ARHGAP29: variants seen among roughly 807,000 people sequenced by gnomAD.
The protein encoded by ARHGAP29 is Rho GTPase activating protein 29, also known as rho GTPase-activating protein 29.
A neutral mutation model predicts 122.6 loss-of-function variants in ARHGAP29; 43 were observed. The observed-to-expected ratio is 0.35, with a 90% CI of 0.27 to 0.45. The LOEUF (loss-of-function observed/expected upper bound fraction) is 0.45. Among genes scored for constraint, ARHGAP29 ranks in the 20% least tolerant of loss-of-function variants. The probability of loss-of-function intolerance (pLI) is 1.00; values close to 1 mark genes in which losing one functional copy is unlikely to be tolerated. For synonymous variants in ARHGAP29, 506 were observed against 497.1 expected, an observed-to-expected ratio of 1.02 and a Z score of -0.24; for missense variants, 1,303 against 1,477.2, an observed-to-expected ratio of 0.88 and a Z score of 1.93.
At chr1:94,292,874 C>A in the ARHGAP29 span, among the ~76,000 whole-genome samples, 1 of 152,172 alleles carries the variant, frequency 6.6e-6, no homozygotes, top group Non-Finnish European at 1.5e-5. Flanking sequence ...GTCTGTTGGT[C>A]CCTACTGGGA....
the ARHGAP29 span, among the ~76,000 whole-genome samples, chr1:94,286,504 C>T: frequency 6.6e-6 from 1 of 151,934 alleles, no homozygotes; most frequent in Non-Finnish European, 1.5e-5. Context: ...CCTATCTCTA[C>T]AAAAAATACA....
intron 3 of ARHGAP29, among the ~76,000 whole-genome samples, chr1:94,219,611 C>A (rs1023031214): frequency 6.6e-6 from 1 of 152,152 alleles, no homozygotes; most frequent in Non-Finnish European, 1.5e-5. Flanking sequence ...TCTCCTATTT[C>A]CCTGCCTCCT....
At chr1:94,245,733 G>A (rs1325884068) in intron 1 of ARHGAP29, among the ~76,000 whole-genome samples, 1 of 152,144 alleles carries the variant, frequency 6.6e-6, no homozygotes, top group Non-Finnish European at 1.5e-5. Context: ...AGATGCAAAG[G>A]TTCTACAGGA....
At chr1:94,292,289 G>A in the ARHGAP29 span, among the ~76,000 whole-genome samples, 1 of 152,154 alleles carries the variant, frequency 6.6e-6, no homozygotes, top group East Asian at 1.9e-4. Flanking sequence ...TCGTACTGTG[G>A]TTTTCAGCTC....
At chr1:94,206,371 T>C (rs1292167491) in intron 5 of ARHGAP29, among the ~76,000 whole-genome samples, 1 of 152,178 alleles carries the variant, frequency 6.6e-6, no homozygotes, top group African/African-American at 2.4e-5. Context: ...TCGATTTAAA[T>C]TGGGCAATAC....
At chr1:94,221,085 G>T (rs1652265033) in intron 2 of ARHGAP29, among the ~76,000 whole-genome samples, 1 of 151,970 alleles carries the variant, frequency 6.6e-6, no homozygotes, top group African/African-American at 2.4e-5. Context: ...CATCATCCTA[G>T]GTCAGAGCGA....
intron 22 of ARHGAP29, 21 bp downstream of exon 22, chr1:94,177,591 T>A (rs764030077): frequency 6.4e-7 from 1 of 1,569,452 alleles, no homozygotes; most frequent in African/African-American, 1.4e-5. Context: ...AAACATATTT[T>A]TTTTTTACAT....
intron 3 of ARHGAP29, among the ~76,000 whole-genome samples, chr1:94,211,396 TCA>T (rs1214497055): frequency 2.7e-5 from 4 of 150,408 alleles, no homozygotes; most frequent in Non-Finnish European, 5.9e-5. Flanking sequence ...ACACATAAAT[TCA>T]CAGTTGTAAC....
At chr1:94,283,699 T>C in the ARHGAP29 span, among the ~76,000 whole-genome samples, 10 of 152,172 alleles carry the variant, frequency 6.6e-5, no homozygotes, top group Non-Finnish European at 1.0e-4. Flanking sequence ...GTATGTTAAG[T>C]CATACCATCA....
At position 94,173,963 on chromosome 1, in the gene ARHGAP29, C is replaced by T; in HGVS notation, c.3692G>A (p.Gly1231Asp). The stretch of plus-strand genomic sequence containing the variant: ...ACACATTGGATTCACATCAGGCAAG[C>T]CAAGCTCCTCAGAGTCTTCTTTAGG... Reference protein sequence around the residue: ...GQPKEDSEELGLPDVNPMCQR... With the variant: ...GQPKEDSEELDLPDVNPMCQR... The change falls in exon 23 of 23, where the codon GGC becomes GAC. Residue 1231 changes from glycine (G) to aspartate (D), a missense_variant. This residue lies in a region of ARHGAP29 where 620 missense variants were observed against 651.2 expected (regional missense o/e 0.95). Coordinates refer to ENST00000260526, the MANE Select transcript of ARHGAP29 (RefSeq NM_004815.4). The T allele has an allele frequency of 6.2e-7, 1 of 1,614,180 alleles. No homozygotes were observed. The highest frequency in any genetic ancestry group is 2.2e-5 in the East Asian group (1 of 44,880).
chr1:94,183,477 A>T (rs1003996756), intron 19 of ARHGAP29, among the ~76,000 whole-genome samples: 1 of 151,752 alleles, frequency 6.6e-6, no homozygotes, highest in Non-Finnish European at 1.5e-5. Context: ...CCTGCAAACT[A>T]CAGGTTTAAC....
chr1:94,252,330 C>T (rs1654128942), intron 1 of ARHGAP29, among the ~76,000 whole-genome samples: 1 of 152,156 alleles, frequency 6.6e-6, no homozygotes, highest in Non-Finnish European at 1.5e-5. Context: ...GCCTTAGTAA[C>T]TTAAGGAAGA....
rs1648752815 is a variant in ARHGAP29 at position 94,171,795 on chromosome 1, A to G, written c.*2074T>C. The G allele has an allele frequency of 6.6e-6, 1 of 152,184 alleles. No individual in the cohort carries two copies. The highest frequency in any genetic ancestry group is 1.5e-5 in the Non-Finnish European group (1 of 68,030). The allele number at this position is 152,184 out of a possible 1,614,324, so 9.4% of individuals were successfully genotyped here. Reference sequence around the variant, plus strand: ...AACAGAGAAATGAGTTTATTACATGATATAACCTTTGGGTGGGCTCCATAT... The same window carrying G: ...AACAGAGAAATGAGTTTATTACATGGTATAACCTTTGGGTGGGCTCCATAT... On this transcript the variant is annotated 3_prime_UTR_variant, in exon 23 of 23. Coordinates refer to ENST00000260526, the MANE Select transcript of ARHGAP29 (RefSeq NM_004815.4).
At chr1:94,206,235 G>A (rs1053317138) in intron 5 of ARHGAP29, among the ~76,000 whole-genome samples, 3 of 152,210 alleles carry the variant, frequency 2.0e-5, no homozygotes, top group African/African-American at 7.2e-5. Context: ...GGAGGTGGAA[G>A]TGAATTTTTA....
intron 12 of ARHGAP29, chr1:94,196,067 A>T (rs1451761034): frequency 6.6e-6 from 1 of 152,146 alleles, no homozygotes; most frequent in Non-Finnish European, 1.5e-5. Flanking sequence ...AATCGATAAA[A>T]GTAGCAAAGG....
At chr1:94,253,656 G>GCACGCACA (rs1654209565) in intron 1 of ARHGAP29, among the ~76,000 whole-genome samples, 1 of 151,722 alleles carries the variant, frequency 6.6e-6, no homozygotes, top group African/African-American at 2.4e-5. Context: ...ACGCACGCAC[G>GCACGCACA]CACGCACGCA....
At chr1:94,294,379 C>T in the ARHGAP29 span, among the ~76,000 whole-genome samples, 215 of 152,252 alleles carry the variant, frequency 1.4e-3, no homozygotes, top group African/African-American at 4.9e-3. Context: ...TTGTGGCCCA[C>T]TCTAGCCTCC....
chr1:94,293,363 C>T, the ARHGAP29 span, among the ~76,000 whole-genome samples: 4 of 152,172 alleles, frequency 2.6e-5, no homozygotes, highest in Admixed American at 6.5e-5. Flanking sequence ...AGAAGTGTAC[C>T]GTTCCTTCAG....
chr1:94,175,690 C>T (rs967848070), intron 22 of ARHGAP29, among the ~76,000 whole-genome samples: 6 of 151,940 alleles, frequency 3.9e-5, no homozygotes, highest in Non-Finnish European at 5.9e-5. Flanking sequence ...GGTTCCAAGG[C>T]TCTTTTATTG....
Sources: allele counts gnomAD v4.1 joint callset (sites outside exome capture counted in the v4.1 genomes callset), GRCh38; gene constraint gnomAD v4.1.1; regional missense constraint gnomAD v4.1.1; transcripts MANE v1.5; gene names NCBI Gene and HGNC (gene_info 2026-07-23, HGNC 2026-07-21).